TGFBRAP1: variants seen among roughly 807,000 people sequenced by gnomAD.
The protein encoded by TGFBRAP1 is transforming growth factor-beta receptor-associated protein 1.
In TGFBRAP1, 20 loss-of-function variants were observed where a neutral mutation model predicts 83.2. The observed-to-expected ratio is 0.24, with a 90% CI of 0.17 to 0.35. TGFBRAP1 has a LOEUF of 0.35. Among genes scored for constraint, TGFBRAP1 ranks in the 10% least tolerant of loss-of-function variants. TGFBRAP1 has a pLI of 1.00. For synonymous variants in TGFBRAP1, 415 were observed against 459.8 expected (o/e 0.90, Z 1.25); for missense variants, 950 against 1,099.4 (o/e 0.86, Z 1.92).
intron 4 of TGFBRAP1, among the ~76,000 whole-genome samples, chr2:105,288,655 T>C (rs762584535): frequency 7.9e-5 from 12 of 152,226 alleles, no homozygotes; most frequent in Non-Finnish European, 1.3e-4. Flanking sequence ...GTGTTACCAT[T>C]TTAACTATAT....
chr2:105,313,503 A>G (rs554472623), intron 1 of TGFBRAP1, among the ~76,000 whole-genome samples: 3 of 152,346 alleles, frequency 2.0e-5, no homozygotes, highest in African/African-American at 7.2e-5. Flanking sequence ...CCTAATTCCA[A>G]TTTCACATAA....
chr2:105,251,506 TG>T, the TGFBRAP1 span, among the ~76,000 whole-genome samples: 1 of 148,594 alleles, frequency 6.7e-6, no homozygotes, highest in Admixed American at 6.7e-5. Flanking sequence ...CCACACCGTC[TG>T]GGAGGGAGGT....
At chr2:105,323,829 TAA>T (rs1205580168) in intron 1 of TGFBRAP1, among the ~76,000 whole-genome samples, 2 of 152,210 alleles carry the variant, frequency 1.3e-5, no homozygotes, top group Non-Finnish European at 2.9e-5. Context: ...CGGGTTGACT[TAA>T]AGTCTTGAGA....
intron 9 of TGFBRAP1, 75 bp downstream of exon 9, chr2:105,273,469 A>C: frequency 1.9e-6 from 3 of 1,573,906 alleles, no homozygotes; most frequent in South Asian, 1.2e-5. Flanking sequence ...ACACAGAATC[A>C]CATGCCAAAA....
At chr2:105,273,727 C>T (rs776241909) in intron 8 of TGFBRAP1, 37 bp from the exon 9 acceptor site, 1 of 1,600,016 alleles carries the variant, frequency 6.2e-7, no homozygotes, top group African/African-American at 1.3e-5. Flanking sequence ...CTGTGCTTCC[C>T]AAACCCACCT....
intron 1 of TGFBRAP1, among the ~76,000 whole-genome samples, chr2:105,314,375 C>T (rs1030985701): frequency 6.6e-6 from 1 of 151,296 alleles, no homozygotes; most frequent in African/African-American, 2.4e-5. Flanking sequence ...CTCAGCCTCC[C>T]GAGTAGCTGG....
At chr2:105,252,228 G>A in the TGFBRAP1 span, among the ~76,000 whole-genome samples, 1 of 152,204 alleles carries the variant, frequency 6.6e-6, no homozygotes, top group Non-Finnish European at 1.5e-5. Context: ...GACTTTAGAT[G>A]CTTTATTACA....
intron 1 of TGFBRAP1, among the ~76,000 whole-genome samples, chr2:105,319,337 C>T (rs112144473): frequency 0.04 from 6,059 of 150,248 alleles, 133 homozygotes; most frequent in Middle Eastern, 0.076. Context: ...GTTGCAATTA[C>T]AGGCGTGAGC....
chr2:105,286,053 G>C (rs1224579409), intron 4 of TGFBRAP1, among the ~76,000 whole-genome samples: 1 of 152,234 alleles, frequency 6.6e-6, no homozygotes, highest in Admixed American at 6.5e-5. Context: ...GCTTGTTGAG[G>C]AGAAATCAGA....
chr2:105,280,658 G>A lies in TGFBRAP1; in HGVS notation c.1187C>T (p.Ser396Phe). The A allele has an allele frequency of 6.2e-7, 1 of 1,614,188 alleles. No individual in the cohort carries two copies. Among genetic ancestry groups the A allele is most frequent in the Non-Finnish European group, 8.5e-7 (1 of 1,180,030 alleles). Residue 396 changes from serine (S) to phenylalanine (F), a missense_variant, in exon 6 of 12, where the codon TCC (serine) becomes TTC (phenylalanine). Coordinates refer to ENST00000393359, the MANE Select transcript of TGFBRAP1 (RefSeq NM_004257.6). The stretch of plus-strand genomic sequence containing the variant: ...AAGAGGAGGGTGGGACCGGGTGAAG[G>A]AGGAGGAGGTGGGCAACAGGAAGGG... ...LYPFLLPTSS[S>F]FTRSHPPLHE...
Position 105,298,704 on chromosome 2 carries a change from G to A in TGFBRAP1, c.690C>T (p.Gly230=), listed in dbSNP as rs1247906102. Residue 230 remains glycine (G), a splice_region_variant and synonymous_variant, in exon 3 of 12, where the codon GGC becomes GGT. Coordinates refer to ENST00000393359, the MANE Select transcript of TGFBRAP1 (RefSeq NM_004257.6). ...ATATCCCTGCGACTGTGGCAAACAT[G>A]CCTAGAAGTAAGAAGAAAGAGTTAG... The part of the protein sequence containing the change: ...EFLLAGPGGL[G]MFATVAGISQ... 1 of 1,563,686 alleles carries A rather than the reference G, an allele frequency of 6.4e-7. No homozygotes were observed. The highest frequency in any genetic ancestry group is 8.7e-7 in the Non-Finnish European group (1 of 1,149,242).
At chr2:105,324,363 A>T (rs1470012845) in intron 1 of TGFBRAP1, 2 of 152,250 alleles carry the variant, frequency 1.3e-5, no homozygotes, top group African/African-American at 4.8e-5. Context: ...CCTTAGAGTG[A>T]TCAAGAAATA....
chr2:105,292,398 T>G (rs1677944080), intron 4 of TGFBRAP1, among the ~76,000 whole-genome samples: 1 of 151,120 alleles, frequency 6.6e-6, no homozygotes, highest in African/African-American at 2.4e-5. Flanking sequence ...AGGGGAAGAG[T>G]GACGAAGATG....
Position 105,308,018 on chromosome 2 carries a change from C to G in TGFBRAP1, c.284G>C (p.Cys95Ser), listed in dbSNP as rs751949132. 1 of 1,614,048 alleles carries G rather than the reference C, an allele frequency of 6.2e-7. No homozygotes were observed. Among genetic ancestry groups the G allele is most frequent in the South Asian group, 1.1e-5 (1 of 91,086 alleles). ...GTTGACCAGGCTGATGGAGTTGTCA[C>G]ACAGCACCAGCAGCCTGTTGAGTGC... ...ASALNRLLVL[C>S]DNSISLVNML... is the part of the protein sequence containing the mutation. The change falls in exon 2 of 12, where the codon TGT (cysteine) becomes TCT (serine). Residue 95 changes from cysteine (C) to serine (S), a missense_variant. Coordinates refer to ENST00000393359, the MANE Select transcript of TGFBRAP1 (RefSeq NM_004257.6).
chr2:105,255,083 T>C, the TGFBRAP1 span, among the ~76,000 whole-genome samples: 1 of 152,206 alleles, frequency 6.6e-6, no homozygotes, highest in Non-Finnish European at 1.5e-5. Context: ...TTTTCTGCCT[T>C]GTTGTGAGAA....
At chr2:105,316,462 T>TGTGTGCGCGCGC (rs1177329674) in intron 1 of TGFBRAP1, among the ~76,000 whole-genome samples, 177 of 84,780 alleles carry the variant, frequency 2.1e-3, no homozygotes, top group African/African-American at 5.0e-3. Context: ...TGTGTGTGTG[T>TGTGTGCGCGCGC]GCGCGCGCGC....
intron 8 of TGFBRAP1, among the ~76,000 whole-genome samples, chr2:105,274,371 C>T (rs747578157): frequency 1.3e-5 from 2 of 152,204 alleles, no homozygotes; most frequent in African/African-American, 2.4e-5. Context: ...CACGCACACA[C>T]GCACCTCCCC....
At chr2:105,261,634 C>T (rs1163757651), downstream of TGFBRAP1, among the ~76,000 whole-genome samples, 1 of 152,078 alleles carries the variant, frequency 6.6e-6, no homozygotes, top group Non-Finnish European at 1.5e-5. Context: ...TACCAGTAGT[C>T]CCAGCTACTC....
At chr2:105,312,056 G>T (rs1351804130) in intron 1 of TGFBRAP1, among the ~76,000 whole-genome samples, 1 of 152,062 alleles carries the variant, frequency 6.6e-6, no homozygotes, top group Non-Finnish European at 1.5e-5. Context: ...AATATAACTT[G>T]CTGGGGTTCT....
Sources: allele counts gnomAD v4.1 joint callset (sites outside exome capture counted in the v4.1 genomes callset), GRCh38; gene constraint gnomAD v4.1.1; transcripts MANE v1.5; gene names NCBI Gene and HGNC (gene_info 2026-07-23, HGNC 2026-07-21).